The following NRXN3 variants were observed in gnomAD, a reference collection of about 807,000 sequenced individuals.
NRXN3 encodes the protein neurexin 3.
In NRXN3, 32 loss-of-function variants were observed where a neutral mutation model predicts 137.6. The observed-to-expected ratio is 0.23, with a 90% CI of 0.18 to 0.31. The LOEUF (loss-of-function observed/expected upper bound fraction) is 0.31. Among genes scored for constraint, NRXN3 ranks in the 10% least tolerant of loss-of-function variants. The pLI, the probability that NRXN3 is intolerant of heterozygous loss-of-function variation, is 1.00. For synonymous variants in NRXN3, 798 were observed against 784.5 expected (o/e 1.02, Z -0.29); for missense variants, 1,574 against 2,062.5 (o/e 0.76, Z 4.59).
chr14:79,015,833 G>A (rs903693812), intron 15 of NRXN3, among the ~76,000 whole-genome samples: 1 of 152,100 alleles, frequency 6.6e-6, no homozygotes, highest in Non-Finnish European at 1.5e-5. Context: ...TTTCCTTATG[G>A]TTCTGTTGAA....
chr14:79,209,785 A>T (rs977006674), intron 15 of NRXN3, among the ~76,000 whole-genome samples: 1 of 152,208 alleles, frequency 6.6e-6, no homozygotes. Context: ...TCAGTGAATG[A>T]GTGATGAATG....
chr14:79,067,987 T>C (rs2152697980), intron 15 of NRXN3, among the ~76,000 whole-genome samples: 1 of 152,186 alleles, frequency 6.6e-6, no homozygotes, highest in East Asian at 1.9e-4. Flanking sequence ...GTTGAAGGAT[T>C]GGAATTTTGG....
intron 20 of NRXN3, among the ~76,000 whole-genome samples, chr14:79,849,827 C>T (rs1276916522): frequency 1.3e-5 from 2 of 152,076 alleles, no homozygotes; most frequent in African/African-American, 2.4e-5. Context: ...ATTACTGTAC[C>T]GCATTATGAA....
At chr14:79,410,447 C>T (rs1228972065) in intron 15 of NRXN3, among the ~76,000 whole-genome samples, 2 of 150,976 alleles carry the variant, frequency 1.3e-5, no homozygotes, top group Non-Finnish European at 3.0e-5. Flanking sequence ...TTTATATTGT[C>T]AATAACTATT....
At chr14:79,286,771 C>T (rs185106539) in intron 15 of NRXN3, among the ~76,000 whole-genome samples, 2 of 152,038 alleles carry the variant, frequency 1.3e-5, no homozygotes, top group African/African-American at 4.8e-5. Flanking sequence ...CAACCTCAAC[C>T]TTTGGTTCTA....
intron 17 of NRXN3, 108 bp from the exon 18 acceptor site, chr14:79,692,065 A>G (rs986442755): frequency 1.4e-6 from 1 of 732,310 alleles, no homozygotes; most frequent in South Asian, 2.0e-5. Flanking sequence ...AGATAAATTG[A>G]TATCTATCTC....
At chr14:79,598,344 T>G (rs978022201) in intron 16 of NRXN3, among the ~76,000 whole-genome samples, 4 of 152,202 alleles carry the variant, frequency 2.6e-5, no homozygotes, top group African/African-American at 9.6e-5. Context: ...TAGTCTCATT[T>G]CCTGTCCAAG....
chr14:78,775,748 T>A (rs557173337), intron 8 of NRXN3, among the ~76,000 whole-genome samples: 11 of 152,350 alleles, frequency 7.2e-5, no homozygotes, highest in Non-Finnish European at 1.3e-4. Context: ...CTCAATTTGT[T>A]AAACAAGGCC....
chr14:78,740,294 T>C lies in NRXN3; in HGVS notation c.2044+25155T>C, dbSNP rs957222356. Among the ~76,000 whole-genome samples, 5 of 152,312 alleles carry C rather than the reference T, an allele frequency of 3.3e-5. No individual in the cohort carries two copies. The East Asian group carries it at 9.6e-4, about 29-fold the overall frequency. ...CTGACTCCATTTGCCTGAATGATTA[T>C]CGCCTGATGTCTTGAGGCTTACAGA... On this transcript the variant is annotated intron_variant, in intron 8 of 20. Transcript: ENST00000335750.
At chr14:79,066,156 A>T (rs2099680479) in intron 15 of NRXN3, among the ~76,000 whole-genome samples, 1 of 152,064 alleles carries the variant, frequency 6.6e-6, no homozygotes, top group African/African-American at 2.4e-5. Flanking sequence ...ATCTTGAGTT[A>T]ATTTTTGTAT....
At chr14:78,734,253 A>ACACC (rs1491505091) in intron 8 of NRXN3, among the ~76,000 whole-genome samples, 13 of 113,684 alleles carry the variant, frequency 1.1e-4, no homozygotes, top group Middle Eastern at 9.4e-3. Flanking sequence ...ACACACACAC[A>ACACC]CCCTTTTCAT....
chr14:78,400,545 A>G (rs926167312), intron 4 of NRXN3, among the ~76,000 whole-genome samples: 3 of 152,208 alleles, frequency 2.0e-5, no homozygotes, highest in Non-Finnish European at 2.9e-5. Context: ...TGGGCCTGAG[A>G]ATCCTCAAGG....
intron 4 of NRXN3, among the ~76,000 whole-genome samples, chr14:78,371,143 T>C (rs1025818977): frequency 1.7e-4 from 26 of 152,138 alleles, no homozygotes; most frequent in Admixed American, 4.6e-4. Flanking sequence ...TATCCCCGTT[T>C]TCCTTCCCAA....
chr14:79,258,173 G>T (rs755692651), intron 15 of NRXN3, among the ~76,000 whole-genome samples: 32 of 152,102 alleles, frequency 2.1e-4, no homozygotes, highest in Non-Finnish European at 3.7e-4. Flanking sequence ...CACAAAAATT[G>T]TTAAGCTTCA....
At chr14:79,669,640 G>A (rs2153995448) in intron 17 of NRXN3, among the ~76,000 whole-genome samples, 1 of 152,202 alleles carries the variant, frequency 6.6e-6, no homozygotes, top group South Asian at 2.1e-4. Flanking sequence ...CTGAAATTGA[G>A]AATCCCCTGG....
At chr14:78,410,132 C>T (rs2092735402) in intron 4 of NRXN3, among the ~76,000 whole-genome samples, 1 of 152,192 alleles carries the variant, frequency 6.6e-6, no homozygotes, top group African/African-American at 2.4e-5. Flanking sequence ...TATTAAGTTA[C>T]CTGCCTGTTT....
intron 15 of NRXN3, among the ~76,000 whole-genome samples, chr14:79,211,170 G>C (rs1416637631): frequency 6.6e-6 from 1 of 151,930 alleles, no homozygotes; most frequent in Non-Finnish European, 1.5e-5. Context: ...ATTGACTTTG[G>C]GCAAACTAGT....
intron 4 of NRXN3, among the ~76,000 whole-genome samples, chr14:78,530,169 A>G (rs1164391420): frequency 6.6e-6 from 1 of 152,174 alleles, no homozygotes; most frequent in Non-Finnish European, 1.5e-5. Flanking sequence ...GGCCTGATAA[A>G]CAATTATGCC....
At chr14:79,702,223 A>G (rs913132020) in intron 19 of NRXN3, among the ~76,000 whole-genome samples, 1 of 152,144 alleles carries the variant, frequency 6.6e-6, no homozygotes, top group African/African-American at 2.4e-5. Context: ...AAACCAACTT[A>G]GAGTTCTATG....
Sources: gnomAD v4.1 joint callset for allele counts (sites outside exome capture counted in the v4.1 genomes callset) on GRCh38, gnomAD v4.1.1 for gene constraint, MANE v1.5 for transcripts, NCBI Gene and HGNC (gene_info 2026-07-23, HGNC 2026-07-21) for gene names.